The following CNTN4 variants were observed in gnomAD, a reference collection of about 807,000 sequenced individuals.
CNTN4 encodes contactin-4.
Under a neutral mutation model 122.5 loss-of-function variants are expected in CNTN4, and 77 were observed. The observed-to-expected ratio is 0.63, with a 90% CI of 0.52 to 0.76. The LOEUF is 0.76. CNTN4 is among the 30% of genes least tolerant of loss of function. The pLI is 0.00. For synonymous variants in CNTN4, 512 were observed against 447.0 expected, an observed-to-expected ratio of 1.15 and a Z score of -1.83; for missense variants, 1,256 against 1,259.1, an observed-to-expected ratio of 1.00 and a Z score of 0.04.
chr3:2,599,961 T>A (rs958570024), intron 4 of CNTN4, among the ~76,000 whole-genome samples: 7 of 149,718 alleles, frequency 4.7e-5, no homozygotes, highest in Non-Finnish European at 8.9e-5. Flanking sequence ...TGTTCAACCT[T>A]CATTTGGGGA....
chr3:2,475,712 A>G (rs1231045806), intron 3 of CNTN4, among the ~76,000 whole-genome samples: 3 of 152,166 alleles, frequency 2.0e-5, no homozygotes, highest in African/African-American at 2.4e-5. Context: ...TATTAACAAC[A>G]GTAATGCAAA....
At chr3:2,908,528 T>G (rs1479855045) in intron 12 of CNTN4, among the ~76,000 whole-genome samples, 2 of 152,094 alleles carry the variant, frequency 1.3e-5, no homozygotes, top group African/African-American at 4.8e-5. Context: ...TTAGGTAAAG[T>G]CTAGCCTAAG....
At chr3:2,295,757 C>G (rs912807433) in intron 2 of CNTN4, among the ~76,000 whole-genome samples, 1 of 152,080 alleles carries the variant, frequency 6.6e-6, no homozygotes, top group Non-Finnish European at 1.5e-5. Context: ...TTGCCCATGC[C>G]TATGTCCTGA....
intron 3 of CNTN4, among the ~76,000 whole-genome samples, chr3:2,433,096 A>G (rs1002221069): frequency 2.0e-5 from 3 of 152,162 alleles, no homozygotes; most frequent in Admixed American, 6.5e-5. Flanking sequence ...GTGCTGGATT[A>G]TAGGCATGAG....
At chr3:2,343,053 G>C (rs1396066217) in intron 3 of CNTN4, among the ~76,000 whole-genome samples, 1 of 152,210 alleles carries the variant, frequency 6.6e-6, no homozygotes, top group African/African-American at 2.4e-5. Context: ...ATTGTGCAGT[G>C]AGTGGTGAAT....
intron 3 of CNTN4, among the ~76,000 whole-genome samples, chr3:2,356,294 G>A (rs1239759793): frequency 1.3e-5 from 2 of 152,144 alleles, no homozygotes; most frequent in Admixed American, 6.5e-5. Flanking sequence ...TGTGTAGCTG[G>A]GTTCCCATTT....
chr3:2,933,629 C>G (rs1180220763), intron 13 of CNTN4, among the ~76,000 whole-genome samples: 1 of 152,224 alleles, frequency 6.6e-6, no homozygotes, highest in Non-Finnish European at 1.5e-5. Flanking sequence ...CATCCCACCA[C>G]TCTGACCTCT....
At chr3:2,724,977 G>A (rs2088119264) in intron 4 of CNTN4, among the ~76,000 whole-genome samples, 1 of 152,154 alleles carries the variant, frequency 6.6e-6, no homozygotes, top group Non-Finnish European at 1.5e-5. Context: ...GGACAACTCT[G>A]GATTATAGTA....
At chr3:2,307,282 A>C (rs2042744617) in intron 2 of CNTN4, among the ~76,000 whole-genome samples, 2 of 152,086 alleles carry the variant, frequency 1.3e-5, no homozygotes, top group Admixed American at 1.3e-4. Context: ...AAAAATACAA[A>C]AATGTAGCCG....
intron 3 of CNTN4, among the ~76,000 whole-genome samples, chr3:2,510,080 G>A (rs1350594217): frequency 6.6e-6 from 1 of 152,092 alleles, no homozygotes; most frequent in Admixed American, 6.6e-5. Context: ...GATGTTTCAA[G>A]TTTTCTGAAA....
chr3:2,478,196 C>A (rs1321505899), intron 3 of CNTN4, among the ~76,000 whole-genome samples: 2 of 152,042 alleles, frequency 1.3e-5, no homozygotes, highest in Non-Finnish European at 2.9e-5. Context: ...CAGAAAAGTA[C>A]ATTTTTGATG....
In CNTN4 at chr3:3,056,364, C is replaced by A; in HGVS notation, c.*144C>A. 1.5e-6 allele frequency: 1 copy of A among 673,292 alleles called. No homozygotes were observed. The highest frequency in any genetic ancestry group is 2.7e-6 in the Non-Finnish European group (1 of 376,210). 41.7% of individuals were successfully genotyped at this position (673,292 alleles called of 1,614,324 possible). On this transcript the variant is annotated 3_prime_UTR_variant, in exon 25 of 25. Coordinates refer to ENST00000418658, the MANE Select transcript of CNTN4 (RefSeq NM_175607.3). ...ATGTTTTTTGCTTCTTTAGGAATGG[C>A]ATTATACAGTACTTCCTCAAAGCAA...
chr3:2,751,929 T>C (rs78342617), intron 6 of CNTN4, among the ~76,000 whole-genome samples: 136 of 152,302 alleles, frequency 8.9e-4, no homozygotes, highest in African/African-American at 2.9e-3. Flanking sequence ...CGTTAATTGT[T>C]CCATTTCATT....
chr3:2,125,484 A>G (rs1317483546), intron 2 of CNTN4, among the ~76,000 whole-genome samples: 1 of 151,906 alleles, frequency 6.6e-6, no homozygotes, highest in African/African-American at 2.4e-5. Flanking sequence ...TCACTTCTAG[A>G]TCTAAATCTT....
chr3:2,953,956 A>T (rs1220104615), intron 13 of CNTN4, among the ~76,000 whole-genome samples: 2 of 152,236 alleles, frequency 1.3e-5, no homozygotes, highest in African/African-American at 2.4e-5. Context: ...TATCTAGGAA[A>T]TAAGTTTTCT....
chr3:2,876,404 A>T (rs1201234008), intron 8 of CNTN4, among the ~76,000 whole-genome samples: 1 of 152,138 alleles, frequency 6.6e-6, no homozygotes, highest in Admixed American at 6.6e-5. Flanking sequence ...TTAGTGATAT[A>T]TACATCATAT....
chr3:2,330,018 C>T (rs528194965), intron 2 of CNTN4, among the ~76,000 whole-genome samples: 137 of 152,200 alleles, frequency 9.0e-4, no homozygotes, highest in Admixed American at 4.8e-3. Flanking sequence ...CTCGGTCCCA[C>T]GTGAATGCCC....
chr3:2,513,779 T>G (rs757754356), intron 3 of CNTN4, among the ~76,000 whole-genome samples: 4 of 152,176 alleles, frequency 2.6e-5, no homozygotes, highest in Non-Finnish European at 5.9e-5. Flanking sequence ...TTGCTTAATC[T>G]GCAGGAAAGT....
At chr3:2,850,644 T>C (rs1215277241) in intron 7 of CNTN4, among the ~76,000 whole-genome samples, 1 of 152,168 alleles carries the variant, frequency 6.6e-6, no homozygotes, top group Non-Finnish European at 1.5e-5. Context: ...TTTATCTAGA[T>C]GAATTCTTCC....
Sources: allele counts gnomAD v4.1 joint callset (sites outside exome capture counted in the v4.1 genomes callset), GRCh38; gene constraint gnomAD v4.1.1; transcripts MANE v1.5; gene names NCBI Gene and HGNC (gene_info 2026-07-23, HGNC 2026-07-21).